TMPO: variants seen among roughly 807,000 people sequenced by gnomAD.
TMPO encodes thymopoietin.
In TMPO, 22 loss-of-function variants were observed where a neutral mutation model predicts 45.4. That is an observed-to-expected ratio of 0.48 (90% CI 0.35 to 0.69). The LOEUF (loss-of-function observed/expected upper bound fraction) is 0.69, where lower values mean the gene tolerates loss of function less well. TMPO is among the 30% of genes least tolerant of loss of function. The probability of loss-of-function intolerance (pLI) is 0.01; values close to 1 mark genes in which losing one functional copy is unlikely to be tolerated. For missense variants in TMPO, 512 were observed against 548.8 expected (o/e 0.93, Z 0.67); for synonymous variants, 241 against 204.1 (o/e 1.18, Z -1.54).
intron 1 of TMPO, among the ~76,000 whole-genome samples, chr12:98,522,898 A>G (rs1273921021): frequency 4.6e-5 from 7 of 152,228 alleles, no homozygotes; most frequent in African/African-American, 7.2e-5. Context: ...TACGTAATAC[A>G]TAATAAGTGC....
At chr12:98,545,115 A>T in intron 7 of TMPO, 54 bp downstream of exon 7, 2 of 1,254,614 alleles carry the variant, frequency 1.6e-6, no homozygotes, top group Non-Finnish European at 2.3e-6. Flanking sequence ...AAGAGGAAAT[A>T]TAAATATTTG....
intron 3 of TMPO, among the ~76,000 whole-genome samples, chr12:98,536,730 T>C (rs1206365209): frequency 6.6e-6 from 1 of 152,242 alleles, no homozygotes; most frequent in East Asian, 1.9e-4. Context: ...GACTGGAATA[T>C]TGAAGCCTAT....
chr12:98,536,539 A>G (rs1877577212), intron 3 of TMPO, among the ~76,000 whole-genome samples: 1 of 152,096 alleles, frequency 6.6e-6, no homozygotes, highest in African/African-American at 2.4e-5. Context: ...TTTTTAGTAG[A>G]GACGGGGTTT....
intron 2 of TMPO, 81 bp from the exon 3 acceptor site, chr12:98,531,599 A>T: frequency 7.0e-7 from 1 of 1,419,226 alleles, no homozygotes; most frequent in Non-Finnish European, 9.9e-7. Context: ...AAAATAGCTT[A>T]AAATGTTGCT....
At chr12:98,532,677 C>G in intron 3 of TMPO, 1 of 1,099,698 alleles carries the variant, frequency 9.1e-7, no homozygotes, top group Non-Finnish European at 1.3e-6. Flanking sequence ...TAAGCTTTGT[C>G]TACCAGGGCA....
At chr12:98,547,021 T>G (rs1475356435) in intron 8 of TMPO, among the ~76,000 whole-genome samples, 1 of 148,084 alleles carries the variant, frequency 6.8e-6, no homozygotes, top group Non-Finnish European at 1.5e-5. Context: ...AGAAGGCAGG[T>G]TTAGTGACTA....
chr12:98,524,050 C>A (rs2121148816), intron 1 of TMPO, among the ~76,000 whole-genome samples: 1 of 152,266 alleles, frequency 6.6e-6, no homozygotes, highest in African/African-American at 2.4e-5. Flanking sequence ...ATTACTTTTT[C>A]CTTCCCCAGA....
At chr12:98,516,612 T>C in intron 1 of TMPO, 1 of 922,736 alleles carries the variant, frequency 1.1e-6, no homozygotes, top group African/African-American at 1.8e-5. Flanking sequence ...CACTCTAATT[T>C]CTAACCAAAA....
chr12:98,538,900 G>A (rs1292952060), intron 4 of TMPO, among the ~76,000 whole-genome samples: 1 of 152,134 alleles, frequency 6.6e-6, no homozygotes, highest in Non-Finnish European at 1.5e-5. Context: ...TCAGGAGCAT[G>A]CTGAAGAATA....
At chr12:98,530,820 T>G (rs1877137925) in intron 2 of TMPO, among the ~76,000 whole-genome samples, 1 of 152,240 alleles carries the variant, frequency 6.6e-6, no homozygotes, top group Non-Finnish European at 1.5e-5. Flanking sequence ...TATTACGTAG[T>G]AGTAGAGAAA....
chr12:98,544,818 G>A (rs1878124206), intron 6 of TMPO, 133 bp from the exon 7 acceptor site: 3 of 764,796 alleles, frequency 3.9e-6, no homozygotes, highest in East Asian at 5.3e-5. Context: ...AGTTGTGTTT[G>A]TAGGCTGTGT....
At chr12:98,532,711 A>G (rs2121201466) in intron 3 of TMPO, 3 of 1,522,844 alleles carry the variant, frequency 2.0e-6, no homozygotes, top group East Asian at 2.3e-5. Context: ...AGTTCAGAAT[A>G]TGAAATTATA....
In TMPO at chr12:98,515,994, C is replaced by G; in HGVS notation, c.127C>G (p.Gln43Glu). 6.2e-7 allele frequency: 1 copy of G among 1,612,448 alleles called. No homozygotes were observed. Residue 43 changes from glutamine (Q) to glutamate (E), a missense_variant, in exon 1 of 9, where the codon CAG becomes GAG. Around this residue, in one of 3 missense-constraint regions of TMPO, gnomAD observed 299 missense variants for 296.7 expected, o/e 1.01. Transcript: ENST00000556029. Reference sequence around the variant, plus strand: ...AGACGTGTACGTCCAGCTCTACCTGCAGCACCTCACGGCTCGCAACCGGCC... The same window carrying G: ...AGACGTGTACGTCCAGCTCTACCTGGAGCACCTCACGGCTCGCAACCGGCC... ...RKDVYVQLYL[Q>E]HLTARNRPPL...
At chr12:98,532,821 A>G (rs1354957579) in intron 3 of TMPO, 1 of 1,614,080 alleles carries the variant, frequency 6.2e-7, no homozygotes, top group African/African-American at 1.3e-5. Flanking sequence ...TTGCCTCTAC[A>G]GGAAAGAAGA....
At position 98,516,020 on chromosome 12, in the gene TMPO, G is replaced by A. The variant is rs755323971; in HGVS notation, c.153G>A (p.Pro51=). 2.9e-5 allele frequency: 46 copies of A among 1,608,670 alleles called. No homozygotes were observed. The highest frequency in any genetic ancestry group is 3.5e-5 in the Non-Finnish European group (41 of 1,178,618). The change falls in exon 1 of 9, where the codon CCG becomes CCA. Residue 51 remains proline, a synonymous_variant. Coordinates refer to ENST00000556029, the MANE Select transcript of TMPO (RefSeq NM_001032283.3). Reference sequence around the variant, plus strand: ...AGCACCTCACGGCTCGCAACCGGCCGCCGCTCCCCGCCGGCACCAACAGCA... The same window carrying A: ...AGCACCTCACGGCTCGCAACCGGCCACCGCTCCCCGCCGGCACCAACAGCA... The part of the protein sequence containing the change: ...YLQHLTARNR[P]PLPAGTNSKG...
chr12:98,527,652 T>TTTA (rs1477706854), intron 1 of TMPO: 7 of 492,992 alleles, frequency 1.4e-5, no homozygotes, highest in Non-Finnish European at 2.2e-5. Context: ...AATGGACTAT[T>TTTA]TTAACAACAA....
Position 98,535,654 on chromosome 12 carries a change from ATGT to A in TMPO, c.566-1816_566-1814del, listed in dbSNP as rs1345645951. 22 of 985,354 alleles carry A rather than the reference ATGT, an allele frequency of 2.2e-5. No homozygotes were observed. In the African/African-American group the frequency reaches 3.1e-4, roughly 14 times the overall value. 61.0% of individuals were successfully genotyped at this position (985,354 alleles called of 1,614,324 possible). ...ACAGTGTTGTGTGGTCTCCAGAAAC[ATGT>A]TGTTCTGTGTGCTTTATTCTTGGAG... On this transcript the variant is annotated intron_variant, in intron 3 of 8. Transcript: ENST00000556029.
chr12:98,536,869 G>C (rs1877603481), intron 3 of TMPO, among the ~76,000 whole-genome samples: 1 of 152,170 alleles, frequency 6.6e-6, no homozygotes, highest in Admixed American at 6.5e-5. Flanking sequence ...CCTGTGATTG[G>C]TCGTATTTTT....
At chr12:98,545,226 A>G (rs965888337) in intron 7 of TMPO, among the ~76,000 whole-genome samples, 165 bp downstream of exon 7, 9 of 141,064 alleles carry the variant, frequency 6.4e-5, no homozygotes, top group African/African-American at 2.4e-4. Context: ...CACTTTTATT[A>G]GTGAAAACAG....
Sources: gnomAD v4.1 joint callset for allele counts (sites outside exome capture counted in the v4.1 genomes callset) on GRCh38, gnomAD v4.1.1 for gene constraint, gnomAD v4.1.1 regional missense constraint, MANE v1.5 for transcripts, NCBI Gene and HGNC (gene_info 2026-07-23, HGNC 2026-07-21) for gene names.